The following GBE1 variants were observed in gnomAD, a reference collection of about 807,000 sequenced individuals.
GBE1 encodes 1,4-alpha-glucan branching enzyme 1.
In GBE1, 70 loss-of-function variants were observed where a neutral mutation model predicts 88.8. That is an observed-to-expected ratio of 0.79 (90% CI 0.65 to 0.96). The LOEUF (loss-of-function observed/expected upper bound fraction) is 0.96. Among genes scored for constraint, GBE1 ranks in the 40% least tolerant of loss-of-function variants. GBE1 has a pLI of 0.00. For synonymous variants in GBE1, 284 were observed against 300.1 expected (o/e 0.95, Z 0.56); for missense variants, 872 against 871.0 (o/e 1.00, Z -0.01).
intron 2 of GBE1, among the ~76,000 whole-genome samples, chr3:81,689,556 G>A (rs1705488632): frequency 1.3e-5 from 2 of 152,138 alleles, no homozygotes; most frequent in African/African-American, 4.8e-5. Context: ...TCTTAAATTT[G>A]AAACAAAATC....
chr3:81,582,896 A>T (rs573778623), intron 10 of GBE1, among the ~76,000 whole-genome samples: 158 of 152,234 alleles, frequency 1.0e-3, no homozygotes, highest in African/African-American at 3.6e-3. Context: ...CAAAATTTTT[A>T]AAAAATTGCT....
intron 12 of GBE1, among the ~76,000 whole-genome samples, chr3:81,540,566 G>A (rs187389013): frequency 1.3e-5 from 2 of 152,014 alleles, no homozygotes; most frequent in African/African-American, 4.8e-5. Flanking sequence ...CCAAAGGGTT[G>A]CTAGCTATTT....
chr3:81,561,781 A>G (rs956704341), intron 12 of GBE1, among the ~76,000 whole-genome samples: 1 of 152,030 alleles, frequency 6.6e-6, no homozygotes, highest in Non-Finnish European at 1.5e-5. Context: ...TTCTAGGTTC[A>G]GCCTTCTCTC....
chr3:81,507,236 T>G (rs1313111283), intron 14 of GBE1, among the ~76,000 whole-genome samples: 1 of 152,076 alleles, frequency 6.6e-6, no homozygotes, highest in Non-Finnish European at 1.5e-5. Flanking sequence ...ATAATATTTC[T>G]AAAATAAAAT....
intron 7 of GBE1, among the ~76,000 whole-genome samples, chr3:81,641,726 T>C (rs1189820682): frequency 6.6e-6 from 1 of 151,990 alleles, no homozygotes; most frequent in Non-Finnish European, 1.5e-5. Flanking sequence ...AAATAATGTA[T>C]GAATTTCCTT....
intron 1 of GBE1, among the ~76,000 whole-genome samples, chr3:81,757,842 GTAGA>G: frequency 6.6e-6 from 1 of 152,332 alleles, no homozygotes; most frequent in East Asian, 1.9e-4. Context: ...GGCAGCCTCA[GTAGA>G]TAGATGGAAT....
intron 1 of GBE1, among the ~76,000 whole-genome samples, chr3:81,743,127 C>G (rs1220577061): frequency 6.6e-6 from 1 of 152,060 alleles, no homozygotes; most frequent in Non-Finnish European, 1.5e-5. Context: ...AAACACACAG[C>G]CAGCATCCCA....
chr3:81,552,002 C>A (rs545774340), intron 12 of GBE1, among the ~76,000 whole-genome samples: 1 of 152,282 alleles, frequency 6.6e-6, no homozygotes, highest in Non-Finnish European at 1.5e-5. Flanking sequence ...CTCTCCCAGT[C>A]CTCCCCCTGA....
chr3:81,702,869 C>T (rs1044838684), intron 2 of GBE1, among the ~76,000 whole-genome samples: 7 of 151,968 alleles, frequency 4.6e-5, no homozygotes, highest in African/African-American at 1.7e-4. Flanking sequence ...ATTCTACAAA[C>T]ACACACAGCG....
At chr3:81,544,148 T>C (rs539420783) in intron 12 of GBE1, among the ~76,000 whole-genome samples, 24 of 152,230 alleles carry the variant, frequency 1.6e-4, no homozygotes, top group Middle Eastern at 6.8e-3. Context: ...GGGTCACAAG[T>C]AAGGGCTTTT....
chr3:81,749,628 A>G (rs771644836), intron 1 of GBE1, among the ~76,000 whole-genome samples: 12 of 152,216 alleles, frequency 7.9e-5, no homozygotes, highest in Non-Finnish European at 1.3e-4. Context: ...AAACTGGAGA[A>G]ATGTAAATAA....
chr3:81,630,361 C>A (rs1397409016), intron 7 of GBE1, among the ~76,000 whole-genome samples: 2 of 152,038 alleles, frequency 1.3e-5, no homozygotes, highest in African/African-American at 4.8e-5. Context: ...CCAATGACTT[C>A]CCCATCAAGC....
chr3:81,740,090 T>C (rs1234070652), intron 1 of GBE1, among the ~76,000 whole-genome samples: 2 of 152,036 alleles, frequency 1.3e-5, no homozygotes, highest in East Asian at 1.9e-4. Context: ...CCAGGAGCAG[T>C]GGCATATGCC....
At position 81,646,475 on chromosome 3, in the gene GBE1, G is replaced by A; in HGVS notation, c.699C>T (p.Asn233=). 1 of 1,583,996 alleles carries A rather than the reference G, an allele frequency of 6.3e-7. No individual in the cohort carries two copies. The highest frequency in any genetic ancestry group is 2.3e-5 in the East Asian group (1 of 44,224). The change falls in exon 6 of 16, where the codon AAC becomes AAT. Residue 233 remains asparagine (N), a synonymous_variant. Coordinates refer to ENST00000429644, the MANE Select transcript of GBE1 (RefSeq NM_000158.4). The part of the protein sequence containing the change: ...VLPRIKGLGY[N]CIQLMAIMEH... ...CCATGATTGCCATCAACTGAATGCA[G>A]TTGTATCCTATATAAGGCAATGGTC...
At chr3:81,656,352 G>A (rs939943685) in intron 3 of GBE1, among the ~76,000 whole-genome samples, 5 of 152,106 alleles carry the variant, frequency 3.3e-5, no homozygotes, top group African/African-American at 1.2e-4. Flanking sequence ...GTGGAGTGAC[G>A]AGGATACTAG....
intron 9 of GBE1, among the ~76,000 whole-genome samples, chr3:81,587,816 C>T (rs982650143): frequency 3.9e-5 from 6 of 152,078 alleles, no homozygotes; most frequent in Admixed American, 3.3e-4. Flanking sequence ...AAACTAGGAC[C>T]TAAATACACA....
intron 14 of GBE1, among the ~76,000 whole-genome samples, chr3:81,521,217 G>C (rs1702870292): frequency 6.6e-6 from 1 of 151,494 alleles, no homozygotes; most frequent in African/African-American, 2.4e-5. Context: ...ACCTATAGCA[G>C]GGTTATATTT....
intron 7 of GBE1, among the ~76,000 whole-genome samples, chr3:81,613,340 A>G (rs991151644): frequency 1.3e-5 from 2 of 151,890 alleles, no homozygotes; most frequent in African/African-American, 4.8e-5. Flanking sequence ...AACACCCCCA[A>G]GCTCTGTGGG....
intron 1 of GBE1, among the ~76,000 whole-genome samples, chr3:81,756,711 G>A (rs907426849): frequency 2.6e-5 from 4 of 152,126 alleles, no homozygotes; most frequent in African/African-American, 9.7e-5. Flanking sequence ...TCTAAGCTGT[G>A]TCCCAAAACA....
Sources: gnomAD v4.1 joint callset for allele counts (sites outside exome capture counted in the v4.1 genomes callset) on GRCh38, gnomAD v4.1.1 for gene constraint, MANE v1.5 for transcripts, NCBI Gene and HGNC (gene_info 2026-07-23, HGNC 2026-07-21) for gene names.